LATS2: variants seen among roughly 807,000 people sequenced by gnomAD.
LATS2 encodes serine/threonine-protein kinase LATS2.
A neutral mutation model predicts 76.0 loss-of-function variants in LATS2; 24 were observed. The ratio of observed to expected loss-of-function variants is 0.32; its 90% CI spans 0.23 to 0.44. The LOEUF (loss-of-function observed/expected upper bound fraction) is 0.44. Ranked by LOEUF, LATS2 falls within the 20% of genes least tolerant of loss-of-function variation. LATS2 has a pLI of 1.00. For synonymous variants in LATS2, 692 were observed against 635.4 expected (o/e 1.09, Z -1.34); for missense variants, 1,286 against 1,481.2 (o/e 0.87, Z 2.16).
At chr13:21,030,416 C>T (rs2047785604) in intron 2 of LATS2, among the ~76,000 whole-genome samples, 1 of 151,656 alleles carries the variant, frequency 6.6e-6, no homozygotes. Context: ...GGTGAAACCC[C>T]GTCTCTACTA....
In LATS2 at chr13:20,989,147, G is replaced by A; in HGVS notation, c.633C>T (p.Tyr211=). ...PTALEEMPRP[Y]VDYLFPGVGP... is the part of the protein sequence containing the mutation. ...CGACTCCGGGGAAAAGGTAGTCCACGTACGGCCGCGGCATCTCCTCCAGCG... is the reference window on the plus strand; with the variant it reads ...CGACTCCGGGGAAAAGGTAGTCCACATACGGCCGCGGCATCTCCTCCAGCG... The change falls in exon 4 of 8, where the codon TAC becomes TAT. Residue 211 remains tyrosine, a synonymous_variant. Transcript: ENST00000382592. 1.9e-6 allele frequency: 3 copies of A among 1,611,912 alleles called. No homozygotes were observed. Among genetic ancestry groups the A allele is most frequent in the South Asian group, 2.2e-5 (2 of 91,020 alleles).
chr13:21,020,484 A>T (rs1872011857), intron 2 of LATS2, among the ~76,000 whole-genome samples: 1 of 151,888 alleles, frequency 6.6e-6, no homozygotes, highest in Admixed American at 6.6e-5. Context: ...TAACCAAAAT[A>T]GCATTTTTAA....
intron 2 of LATS2, among the ~76,000 whole-genome samples, chr13:21,018,486 T>C (rs1348190141): frequency 1.3e-5 from 2 of 152,214 alleles, no homozygotes; most frequent in Admixed American, 1.3e-4. Context: ...TCCAGCTGGG[T>C]CCACCTGGCC....
intron 2 of LATS2, among the ~76,000 whole-genome samples, chr13:21,038,056 T>C (rs1260462027): frequency 2.0e-5 from 3 of 152,118 alleles, no homozygotes; most frequent in Admixed American, 6.5e-5. Flanking sequence ...CAGTAAGCCA[T>C]GATCATGCCA....
chr13:21,040,216 G>A (rs991259272), intron 2 of LATS2, among the ~76,000 whole-genome samples: 28 of 151,866 alleles, frequency 1.8e-4, no homozygotes, highest in African/African-American at 6.0e-4. Flanking sequence ...GTGAAACCCC[G>A]TCTCTACAAA....
At chr13:21,005,585 G>T (rs1871231089) in intron 2 of LATS2, 1 of 152,214 alleles carries the variant, frequency 6.6e-6, no homozygotes, top group Non-Finnish European at 1.5e-5. Context: ...TCTAGCAGCA[G>T]AATTAAGAAA....
chr13:20,993,784 T>C (rs1870616549), intron 2 of LATS2, among the ~76,000 whole-genome samples: 1 of 152,124 alleles, frequency 6.6e-6, no homozygotes, highest in Admixed American at 6.5e-5. Flanking sequence ...AGCTATGCGA[T>C]GAGATCACGT....
intron 2 of LATS2, among the ~76,000 whole-genome samples, chr13:21,033,053 G>A (rs543809523): frequency 3.9e-5 from 6 of 152,086 alleles, no homozygotes; most frequent in Non-Finnish European, 7.4e-5. Context: ...AAGTCCACCC[G>A]GGGAATTACT....
intron 2 of LATS2, among the ~76,000 whole-genome samples, chr13:21,019,118 C>G (rs529006281): frequency 6.6e-6 from 1 of 152,242 alleles, no homozygotes; most frequent in East Asian, 1.9e-4. Flanking sequence ...CCTAATTACT[C>G]TGTATTTCCA....
intron 2 of LATS2, among the ~76,000 whole-genome samples, chr13:21,006,267 C>A (rs1395842154): frequency 6.6e-6 from 1 of 151,748 alleles, no homozygotes; most frequent in African/African-American, 2.4e-5. Context: ...GAGGCTGGGA[C>A]AGCTGTCATT....
chr13:21,022,321 T>C lies in LATS2; in HGVS notation c.342+23364A>G, dbSNP rs541648656. On this transcript the variant is annotated intron_variant, in intron 2 of 7. Transcript: ENST00000382592. ...GAGTGTGCATGTGTGTGAATATCTGTATATGCCTAAGTGCATGTACTGAGT... is the reference window on the plus strand; with the variant it reads ...GAGTGTGCATGTGTGTGAATATCTGCATATGCCTAAGTGCATGTACTGAGT... Among the ~76,000 whole-genome samples, 4 of 152,330 alleles carry C rather than the reference T, an allele frequency of 2.6e-5. No homozygotes were observed. In the South Asian group the frequency reaches 8.3e-4, roughly 32 times the overall value.
At chr13:21,036,397 C>T (rs1056310599) in intron 2 of LATS2, among the ~76,000 whole-genome samples, 2 of 152,222 alleles carry the variant, frequency 1.3e-5, no homozygotes, top group African/African-American at 2.4e-5. Context: ...CCCTACTCAC[C>T]GCCAAAATGA....
intron 3 of LATS2, among the ~76,000 whole-genome samples, chr13:20,990,769 G>A (rs1210691309): frequency 6.6e-6 from 1 of 152,130 alleles, no homozygotes; most frequent in African/African-American, 2.4e-5. Flanking sequence ...TTGGTGCGGT[G>A]CCTCAGGCCC....
At chr13:21,050,510 C>T (rs1873238827) in intron 1 of LATS2, among the ~76,000 whole-genome samples, 1 of 152,204 alleles carries the variant, frequency 6.6e-6, no homozygotes, top group African/African-American at 2.4e-5. Flanking sequence ...ACTATATTTG[C>T]AGATTCATAC....
intron 2 of LATS2, among the ~76,000 whole-genome samples, chr13:21,025,104 G>A (rs1872256979): frequency 6.6e-6 from 1 of 151,938 alleles, no homozygotes; most frequent in Non-Finnish European, 1.5e-5. Flanking sequence ...CATGAAGTCT[G>A]TAAGACACCT....
rs1870305995 is a variant in LATS2, at chr13:20,988,512, T to G, written c.1268A>C (p.Glu423Ala). 6.4e-7 allele frequency: 1 copy of G among 1,559,476 alleles called. No homozygotes were observed. The highest frequency in any genetic ancestry group is 8.6e-7 in the Non-Finnish European group (1 of 1,160,776). Residue 423 changes from glutamate (E) to alanine (A), a missense_variant, in exon 4 of 8, where the codon GAG (glutamate) becomes GCG (alanine). Glu to Ala is a moderately radical substitution (Grantham distance 107). This residue lies in a region of LATS2 where 710 missense variants were observed against 660.9 expected (regional missense o/e 1.07). Transcript: ENST00000382592. ...GGTGTTGGGGGCGGGCAGGGAGGGC[T>G]CGGCCTTGCCAGGCGGACCGGGCCG... The part of the protein sequence containing the change: ...QPRPGPPGKA[E>A]PSLPAPNTVT...
rs147227478 is a variant in LATS2 at position 20,995,576 on chromosome 13, T to C, written c.343-4172A>G. ...TGAGTGACTGAGTTAGACTGTGACA[T>C]AGGATAGATGAAAGGAAGAAAGAGC... On this transcript the variant is annotated intron_variant, in intron 2 of 7. Coordinates refer to ENST00000382592, the MANE Select transcript of LATS2 (RefSeq NM_014572.3). Among the ~76,000 whole-genome samples, 291 of 152,224 alleles carry C rather than the reference T, an allele frequency of 1.9e-3. 1 individual carries two copies. Among genetic ancestry groups the C allele is most frequent in the African/African-American group, 6.8e-3 (282 of 41,536 alleles).
At chr13:21,060,747 C>G (rs1038980859) in intron 1 of LATS2, among the ~76,000 whole-genome samples, 3 of 151,276 alleles carry the variant, frequency 2.0e-5, no homozygotes, top group Admixed American at 1.3e-4. Flanking sequence ...GACGACGGGG[C>G]GGCCGGCGGG....
At chr13:21,041,782 G>A (rs1872888987) in intron 2 of LATS2, among the ~76,000 whole-genome samples, 1 of 152,094 alleles carries the variant, frequency 6.6e-6, no homozygotes, top group Admixed American at 6.6e-5. Flanking sequence ...GGTCCAGGGG[G>A]CCATGGGCCT....
Sources: gnomAD v4.1 joint callset for allele counts (sites outside exome capture counted in the v4.1 genomes callset) on GRCh38, gnomAD v4.1.1 for gene constraint, gnomAD v4.1.1 regional missense constraint, MANE v1.5 for transcripts, NCBI Gene and HGNC (gene_info 2026-07-23, HGNC 2026-07-21) for gene names.